The following C12orf56 variants were observed in gnomAD, a reference collection of about 807,000 sequenced individuals.
C12orf56 encodes uncharacterized protein C12orf56.
A neutral mutation model predicts 69.9 loss-of-function variants in C12orf56; 71 were observed. The observed-to-expected ratio is 1.02, with a 90% CI of 0.84 to 1.24. The LOEUF (loss-of-function observed/expected upper bound fraction) is 1.24. Ranked by LOEUF, C12orf56 falls within the 50% of genes most tolerant of loss-of-function variation. C12orf56 has a pLI of 0.00. For synonymous variants in C12orf56, 276 were observed against 274.1 expected (o/e 1.01, Z -0.07); for missense variants, 732 against 738.5 (o/e 0.99, Z 0.10).
intron 2 of C12orf56, among the ~76,000 whole-genome samples, chr12:64,331,502 A>C (rs1330661492): frequency 6.6e-6 from 1 of 152,172 alleles, no homozygotes; most frequent in Non-Finnish European, 1.5e-5. Context: ...CCCTGTCTCA[A>C]AAATAAAAAA....
intron 2 of C12orf56, among the ~76,000 whole-genome samples, chr12:64,337,790 G>T (rs1174236161): frequency 1.3e-5 from 2 of 148,418 alleles, no homozygotes; most frequent in Non-Finnish European, 3.0e-5. Context: ...CTGAGGGGTG[G>T]AGGTTGCAGT....
At chr12:64,331,303 C>T (rs1045217205) in intron 2 of C12orf56, among the ~76,000 whole-genome samples, 6 of 152,166 alleles carry the variant, frequency 3.9e-5, no homozygotes, top group East Asian at 1.9e-4. Context: ...AAGTTCAAGA[C>T]GAGCCAGGGC....
chr12:64,371,431 A>G (rs1272443755), intron 1 of C12orf56, among the ~76,000 whole-genome samples: 2 of 151,924 alleles, frequency 1.3e-5, no homozygotes, highest in African/African-American at 2.4e-5. Flanking sequence ...GGATATCCAC[A>G]TGCAAAAGAA....
rs968190527 is a variant in C12orf56 at position 64,376,822 on chromosome 12, T to C, written c.252+13492A>G. On this transcript the variant is annotated intron_variant, in intron 1 of 12. Transcript: ENST00000543942. ...CTTTTGATGCTTGCATAGTATTCCA[T>C]GGTGTATATGTACCACATTTTCTTT... Among the ~76,000 whole-genome samples, 9 of 152,294 alleles carry C rather than the reference T, an allele frequency of 5.9e-5. No individual in the cohort carries two copies. The South Asian group carries it at 6.2e-4, about 11-fold the overall frequency.
At chr12:64,367,764 A>G (rs1004385215) in intron 1 of C12orf56, among the ~76,000 whole-genome samples, 23 of 150,882 alleles carry the variant, frequency 1.5e-4, no homozygotes, top group Non-Finnish European at 2.5e-4. Flanking sequence ...GCAGCCTCCC[A>G]AAGTGCTGGG....
At position 64,265,485 on chromosome 12, in the gene C12orf56, G is replaced by C. The variant is rs1434259595; in HGVS notation, c.*1698C>G. The C allele has an allele frequency of 1.3e-5, 2 of 152,214 alleles. No homozygotes were observed. Among genetic ancestry groups the C allele is most frequent in the Non-Finnish European group, 2.9e-5 (2 of 68,058 alleles). The allele number at this position is 152,214 out of a possible 1,614,324, so 9.4% of individuals were successfully genotyped here. A position where few individuals can be genotyped will look rare whatever the true frequency, so the allele number is the denominator to read the frequency against. On this transcript the variant is annotated 3_prime_UTR_variant, in exon 13 of 13. Coordinates refer to ENST00000543942, the MANE Select transcript of C12orf56 (RefSeq NM_001170633.2). The stretch of plus-strand genomic sequence containing the variant: ...TCCATTTCAGAGTGTTAAATGTCTT[G>C]TCACAGGCAGAGAATGTAAGAGCTG...
chr12:64,355,334 ATAGG>A (rs1300305622), intron 1 of C12orf56, among the ~76,000 whole-genome samples: 1 of 152,188 alleles, frequency 6.6e-6, no homozygotes, highest in Non-Finnish European at 1.5e-5. Flanking sequence ...TTATTTTCAA[ATAGG>A]TAGAGTAATT....
intron 1 of C12orf56, among the ~76,000 whole-genome samples, chr12:64,359,826 T>G (rs1482447763): frequency 6.6e-6 from 1 of 152,104 alleles, no homozygotes; most frequent in East Asian, 1.9e-4. Flanking sequence ...CAATTCTCCC[T>G]GCCTCAGCCT....
intron 3 of C12orf56, among the ~76,000 whole-genome samples, chr12:64,330,462 C>T (rs1235518975): frequency 6.6e-6 from 1 of 152,198 alleles, no homozygotes; most frequent in Non-Finnish European, 1.5e-5. Flanking sequence ...GGCATCTTGA[C>T]TTCTCCCCAC....
intron 3 of C12orf56, among the ~76,000 whole-genome samples, chr12:64,325,372 A>AAAAAG (rs1555189854): frequency 1.4e-5 from 2 of 141,394 alleles, no homozygotes; most frequent in Non-Finnish European, 3.0e-5. Context: ...AAAAAAAAAA[A>AAAAAG]AAGAAGAAGA....
intron 5 of C12orf56, among the ~76,000 whole-genome samples, chr12:64,311,835 C>G (rs1286698595): frequency 1.3e-5 from 2 of 152,118 alleles, no homozygotes; most frequent in Non-Finnish European, 2.9e-5. Context: ...TTTGTGCTTC[C>G]GAAAGATTCT....
At chr12:64,358,487 TC>T in intron 1 of C12orf56, among the ~76,000 whole-genome samples, 1 of 84,276 alleles carries the variant, frequency 1.2e-5, no homozygotes, top group Admixed American at 1.3e-4. Flanking sequence ...ATAATAATCA[TC>T]ATCATCATCA....
At chr12:64,279,057 T>C (rs1363968457) in intron 8 of C12orf56, among the ~76,000 whole-genome samples, 1 of 152,216 alleles carries the variant, frequency 6.6e-6, no homozygotes, top group African/African-American at 2.4e-5. Flanking sequence ...TTTCTGTTAA[T>C]AATGTACAGC....
chr12:64,305,081 C>G (rs1015449717), intron 5 of C12orf56, among the ~76,000 whole-genome samples: 1 of 152,158 alleles, frequency 6.6e-6, no homozygotes, highest in Non-Finnish European at 1.5e-5. Flanking sequence ...AAGATGTTCT[C>G]CTTTGTCCAA....
chr12:64,328,732 T>A (rs11613347), intron 3 of C12orf56, among the ~76,000 whole-genome samples: 7 of 107,190 alleles, frequency 6.5e-5, no homozygotes, highest in African/African-American at 9.9e-5. Context: ...TATATATATA[T>A]ATATAGTATC....
intron 1 of C12orf56, among the ~76,000 whole-genome samples, chr12:64,389,839 TC>T (rs753101795): frequency 2.6e-5 from 4 of 152,132 alleles, no homozygotes; most frequent in African/African-American, 7.2e-5. Context: ...GCTCTAAGCA[TC>T]GGGGGCAAAA....
At chr12:64,336,772 G>T (rs960894193) in intron 2 of C12orf56, among the ~76,000 whole-genome samples, 1 of 152,180 alleles carries the variant, frequency 6.6e-6, no homozygotes. Context: ...GAATGTGCTG[G>T]CCTAGCTACA....
chr12:64,273,606 C>T (rs2038016861), intron 11 of C12orf56, among the ~76,000 whole-genome samples: 1 of 152,144 alleles, frequency 6.6e-6, no homozygotes, highest in Admixed American at 6.5e-5. Flanking sequence ...GGTAACAAAC[C>T]TCCCAAAATA....
intron 6 of C12orf56, among the ~76,000 whole-genome samples, chr12:64,302,751 C>G (rs2038462685): frequency 6.6e-6 from 1 of 152,054 alleles, no homozygotes; most frequent in Admixed American, 6.6e-5. Context: ...CCTTGCCTCC[C>G]CAGGACTCAC....
Sources: allele counts gnomAD v4.1 joint callset (sites outside exome capture counted in the v4.1 genomes callset), GRCh38; gene constraint gnomAD v4.1.1; transcripts MANE v1.5; gene names NCBI Gene and HGNC (gene_info 2026-07-23, HGNC 2026-07-21).